NEK10: variants seen among roughly 807,000 people sequenced by gnomAD.
The protein encoded by NEK10 is serine/threonine-protein kinase Nek10.
NEK10 carries 122 observed loss-of-function variants against 159.8 expected under a neutral mutation model. The observed-to-expected ratio is 0.76, with a 90% CI of 0.66 to 0.89. The LOEUF (loss-of-function observed/expected upper bound fraction) is 0.89, where lower values mean the gene tolerates loss of function less well. Ranked by LOEUF, NEK10 falls within the 40% of genes least tolerant of loss-of-function variation. The pLI is 0.00. For synonymous variants in NEK10, 466 were observed against 457.1 expected (o/e 1.02, Z -0.25); for missense variants, 1,342 against 1,323.1 (o/e 1.01, Z -0.22).
chr3:27,182,958 G>A (rs747056090), intron 26 of NEK10, among the ~76,000 whole-genome samples: 2 of 151,822 alleles, frequency 1.3e-5, no homozygotes, highest in African/African-American at 4.8e-5. Flanking sequence ...AAAAAGGAAC[G>A]GTTGGGTACA....
chr3:27,118,975 A>C (rs1469736067), intron 33 of NEK10, among the ~76,000 whole-genome samples: 1 of 152,212 alleles, frequency 6.6e-6, no homozygotes, highest in Admixed American at 6.5e-5. Flanking sequence ...CTTCACTTCT[A>C]TCCACTCCTC....
Position 27,146,773 on chromosome 3 carries a change from C to A in NEK10, c.2870-5191G>T, listed in dbSNP as rs73141428. On this transcript the variant is annotated intron_variant, in intron 30 of 35. Transcript: ENST00000691995. The stretch of plus-strand genomic sequence containing the variant: ...AGAAGACCAGGAAGAATTAGAAGGT[C>A]TTCGATAGCACAGGAAATGTATTGG... Among the ~76,000 whole-genome samples, 227 of 152,254 alleles carry A rather than the reference C, an allele frequency of 1.5e-3. 1 individual carries two copies. The highest frequency in any genetic ancestry group is 5.0e-3 in the African/African-American group (209 of 41,540).
At chr3:27,315,448 T>G (rs1281372953) in intron 6 of NEK10, among the ~76,000 whole-genome samples, 1 of 152,212 alleles carries the variant, frequency 6.6e-6, no homozygotes, top group Non-Finnish European at 1.5e-5. Context: ...TAGAACTCAA[T>G]TAAAAATAGT....
intron 19 of NEK10, 130 bp downstream of exon 19, chr3:27,290,487 A>T: frequency 1.6e-6 from 1 of 640,472 alleles, no homozygotes; most frequent in Non-Finnish European, 2.5e-6. Context: ...CAAAAATATC[A>T]CTGCTTCAGT....
chr3:27,338,106 G>A (rs112827870), intron 5 of NEK10, among the ~76,000 whole-genome samples: 23 of 152,046 alleles, frequency 1.5e-4, no homozygotes, highest in Non-Finnish European at 2.2e-4. Flanking sequence ...CCCCCCAACA[G>A]GCTCCGGTAT....
intron 23 of NEK10, among the ~76,000 whole-genome samples, chr3:27,209,209 T>C (rs757861629): frequency 1.2e-4 from 18 of 152,364 alleles, no homozygotes; most frequent in Non-Finnish European, 2.5e-4. Context: ...AAAATGTTCA[T>C]TGGTGTTTAT....
intron 5 of NEK10, among the ~76,000 whole-genome samples, chr3:27,335,061 G>A (rs1343560876): frequency 1.3e-5 from 2 of 152,124 alleles, no homozygotes; most frequent in East Asian, 3.8e-4. Flanking sequence ...CAAAGTGGCT[G>A]GGCACGGTGG....
intron 26 of NEK10, among the ~76,000 whole-genome samples, chr3:27,184,446 T>C (rs1366708794): frequency 6.6e-6 from 1 of 152,218 alleles, no homozygotes; most frequent in African/African-American, 2.4e-5. Flanking sequence ...GGGAACATTC[T>C]GAGGTGAGAT....
chr3:27,117,754 T>C (rs563453603), intron 33 of NEK10, among the ~76,000 whole-genome samples: 22 of 152,292 alleles, frequency 1.4e-4, no homozygotes, highest in African/African-American at 4.8e-4. Flanking sequence ...ATTGCAAAAA[T>C]TTTCTCTTTC....
intron 30 of NEK10, 186 bp downstream of exon 30, chr3:27,162,515 C>T: frequency 6.2e-7 from 1 of 1,614,178 alleles, no homozygotes; most frequent in South Asian, 1.1e-5. Context: ...GACTGCCACC[C>T]TGTCACTAAC....
chr3:27,244,311 C>T (rs1005355874), intron 23 of NEK10, among the ~76,000 whole-genome samples: 5 of 152,192 alleles, frequency 3.3e-5, no homozygotes, highest in African/African-American at 9.6e-5. Flanking sequence ...CATTGAACAT[C>T]CCCTAGCAGG....
chr3:27,115,908 T>C (rs1297046849), intron 35 of NEK10, 32 bp downstream of exon 35: 1 of 1,527,512 alleles, frequency 6.5e-7, no homozygotes, highest in South Asian at 1.1e-5. Flanking sequence ...TCAATTCATC[T>C]TTCACAATTG....
At chr3:27,189,943 T>C (rs1490509888) in intron 26 of NEK10, among the ~76,000 whole-genome samples, 6 of 152,300 alleles carry the variant, frequency 3.9e-5, no homozygotes, top group Non-Finnish European at 7.4e-5. Flanking sequence ...GGTGCTAATA[T>C]ATATGCATTA....
At chr3:27,309,206 T>C (rs1451256801) in intron 9 of NEK10, 6 of 342,500 alleles carry the variant, frequency 1.8e-5, no homozygotes, top group East Asian at 1.4e-4. Flanking sequence ...ACAAACTATA[T>C]ATAATGTTAA....
At position 27,118,296 on chromosome 3, in the gene NEK10, C is replaced by G. The variant is rs535970351; in HGVS notation, c.3190+1464G>C. Among the ~76,000 whole-genome samples, 9 of 152,238 alleles carry G rather than the reference C, an allele frequency of 5.9e-5. 1 individual carries two copies. In the South Asian group the frequency reaches 1.9e-3, roughly 32 times the overall value. Reference sequence around the variant, plus strand: ...TTTTGCTTGGGATTGTCTTGCTGGACAGACTTTATGATGGTTGATCAGAAT... The same window carrying G: ...TTTTGCTTGGGATTGTCTTGCTGGAGAGACTTTATGATGGTTGATCAGAAT... On this transcript the variant is annotated intron_variant, in intron 33 of 35. Coordinates refer to ENST00000691995, the MANE Select transcript of NEK10 (RefSeq NM_001394966.1).
At chr3:27,233,800 G>A (rs1245766434) in intron 23 of NEK10, among the ~76,000 whole-genome samples, 1 of 151,958 alleles carries the variant, frequency 6.6e-6, no homozygotes, top group African/African-American at 2.4e-5. Flanking sequence ...ACTAAAACCT[G>A]GCAGAGATAC....
Position 27,211,722 on chromosome 3 carries a change from C to T in NEK10, c.2091-9165G>A, listed in dbSNP as rs541539627. ...CAAGCAATACTATGTGCCAGGAGCA[C>T]GTAGTAGAATACAGGAGCAAACAAA... is the stretch of plus-strand genomic sequence containing the variant. On this transcript the variant is annotated intron_variant, in intron 23 of 35. Coordinates refer to ENST00000691995, the MANE Select transcript of NEK10 (RefSeq NM_001394966.1). 1.5e-4 allele frequency among the ~76,000 whole-genome samples: 23 copies of T among 152,214 alleles called. No homozygotes were observed. The South Asian group carries it at 4.6e-3, about 30-fold the overall frequency.
At chr3:27,124,365 G>A (rs568518095) in intron 32 of NEK10, among the ~76,000 whole-genome samples, 1 of 152,136 alleles carries the variant, frequency 6.6e-6, no homozygotes, top group Non-Finnish European at 1.5e-5. Context: ...GGAAGGAATG[G>A]ATATGGAAGA....
At chr3:27,114,612 A>G (rs1940104555) in intron 35 of NEK10, among the ~76,000 whole-genome samples, 1 of 152,230 alleles carries the variant, frequency 6.6e-6, no homozygotes, top group African/African-American at 2.4e-5. Context: ...TCTAATTTCT[A>G]TATAATGACC....
Sources: gnomAD v4.1 joint callset for allele counts (sites outside exome capture counted in the v4.1 genomes callset) on GRCh38, gnomAD v4.1.1 for gene constraint, MANE v1.5 for transcripts, NCBI Gene and HGNC (gene_info 2026-07-23, HGNC 2026-07-21) for gene names.